Variants in NEDD4L observed in about 807,000 individuals in gnomAD.
The protein encoded by NEDD4L is NEDD4 like E3 ubiquitin protein ligase.
In NEDD4L, 54 loss-of-function variants were observed where a neutral mutation model predicts 148.9. That is an observed-to-expected ratio of 0.36 (90% CI 0.29 to 0.45). The LOEUF (loss-of-function observed/expected upper bound fraction) is 0.45. Among genes scored for constraint, NEDD4L ranks in the 20% least tolerant of loss-of-function variants. NEDD4L has a pLI of 1.00. For synonymous variants in NEDD4L, 433 were observed against 440.7 expected (o/e 0.98, Z 0.22); for missense variants, 856 against 1,233.8 (o/e 0.69, Z 4.59).
chr18:58,245,551 T>A, intron 3 of NEDD4L, 43 bp downstream of exon 3: 1 of 1,062,494 alleles, frequency 9.4e-7, no homozygotes, highest in Non-Finnish European at 1.4e-6. Context: ...AGTCATAATT[T>A]AATCCAATTA....
At chr18:58,260,477 T>C (rs2049217322) in intron 5 of NEDD4L, among the ~76,000 whole-genome samples, 1 of 151,570 alleles carries the variant, frequency 6.6e-6, no homozygotes, top group Non-Finnish European at 1.5e-5. Context: ...TGAAGAATGC[T>C]TTGTTTATTT....
chr18:58,183,338 T>C (rs1248210057), intron 2 of NEDD4L, among the ~76,000 whole-genome samples: 1 of 152,214 alleles, frequency 6.6e-6, no homozygotes. Context: ...CTTGGTGCTG[T>C]CCCTGTTGAA....
intron 2 of NEDD4L, among the ~76,000 whole-genome samples, chr18:58,198,180 A>G (rs1304849701): frequency 1.3e-5 from 2 of 152,242 alleles, no homozygotes; most frequent in Non-Finnish European, 2.9e-5. Context: ...AAGATGAAAG[A>G]AAAGCTTTCA....
chr18:58,231,237 CAAAA>C (rs67220469), intron 2 of NEDD4L, among the ~76,000 whole-genome samples: 1,166 of 90,142 alleles, frequency 0.013, 19 homozygotes, highest in East Asian at 0.052. Flanking sequence ...GACCCTATCT[CAAAA>C]AAAAAAAAAA....
At chr18:58,218,099 T>C (rs1324868458) in intron 2 of NEDD4L, among the ~76,000 whole-genome samples, 1 of 152,218 alleles carries the variant, frequency 6.6e-6, no homozygotes, top group Non-Finnish European at 1.5e-5. Flanking sequence ...CTTAATAAAA[T>C]CCTGTTTTGA....
chr18:58,370,742 C>A (rs1172262019), intron 23 of NEDD4L, among the ~76,000 whole-genome samples: 1 of 152,200 alleles, frequency 6.6e-6, no homozygotes, highest in African/African-American at 2.4e-5. Flanking sequence ...CTTACTAAAT[C>A]CAAGAGACAG....
intron 16 of NEDD4L, among the ~76,000 whole-genome samples, chr18:58,347,406 G>A (rs1601549546): frequency 6.6e-6 from 1 of 152,054 alleles, no homozygotes; most frequent in African/African-American, 2.4e-5. Context: ...AAGCCCAAGG[G>A]TCCCCCGCTG....
chr18:58,331,348 T>C (rs959636556), intron 11 of NEDD4L, among the ~76,000 whole-genome samples: 2 of 152,220 alleles, frequency 1.3e-5, no homozygotes, highest in African/African-American at 4.8e-5. Flanking sequence ...GCAGGATTTA[T>C]CATTCTCATT....
rs376299060 is a variant in NEDD4L at position 58,401,378 on chromosome 18, A to C, written c.*5109A>C. On this transcript the variant is annotated 3_prime_UTR_variant, in exon 31 of 31. Coordinates refer to ENST00000400345, the MANE Select transcript of NEDD4L (RefSeq NM_001144967.3). ...TACACACAGGAAGTTTTCTTGAAGA[A>C]CAATCCTTTCGCTTTTCTTTTTTCT... 49 of 152,232 alleles carry C rather than the reference A, an allele frequency of 3.2e-4. No homozygotes were observed. The highest frequency in any genetic ancestry group is 1.2e-3 in the African/African-American group (48 of 41,454). 9.4% of individuals were successfully genotyped at this position (152,232 alleles called of 1,614,324 possible). A position where few individuals can be genotyped will look rare whatever the true frequency, so the allele number is the denominator to read the frequency against.
At chr18:58,349,148 C>T (rs554299227) in intron 16 of NEDD4L, among the ~76,000 whole-genome samples, 2 of 152,238 alleles carry the variant, frequency 1.3e-5, no homozygotes, top group South Asian at 4.1e-4. Context: ...TCACCGGGAG[C>T]TCGGGACCCA....
intron 4 of NEDD4L, among the ~76,000 whole-genome samples, chr18:58,251,194 T>C (rs1229896475): frequency 1.3e-5 from 2 of 152,134 alleles, no homozygotes; most frequent in Non-Finnish European, 2.9e-5. Flanking sequence ...AAGGAGATCA[T>C]GGGTTGTTGA....
intron 1 of NEDD4L, among the ~76,000 whole-genome samples, chr18:58,058,506 G>A (rs1376982791): frequency 1.3e-5 from 2 of 152,136 alleles, no homozygotes; most frequent in South Asian, 2.1e-4. Context: ...TTCTTGTAGC[G>A]CATCTTCTCT....
chr18:58,188,485 TG>T (rs2039722245), intron 2 of NEDD4L, among the ~76,000 whole-genome samples: 1 of 152,130 alleles, frequency 6.6e-6, no homozygotes, highest in Non-Finnish European at 1.5e-5. Flanking sequence ...GGAGGCTGCT[TG>T]TTCCCTCAAG....
In NEDD4L at chr18:58,330,928, T is replaced by G. The variant is rs1028615678; in HGVS notation, c.990+14T>G. ...AGCTCTTTGATTGTAAGTAGTGGCCTTGTTTGAAAGAAAAGCTGAGCAATG... is the reference window on the plus strand; with the variant it reads ...AGCTCTTTGATTGTAAGTAGTGGCCGTGTTTGAAAGAAAAGCTGAGCAATG... On this transcript the variant is annotated intron_variant, in intron 11 of 30. Coordinates refer to ENST00000400345, the MANE Select transcript of NEDD4L (RefSeq NM_001144967.3). 1.2e-6 allele frequency: 2 copies of G among 1,610,028 alleles called. No individual in the cohort carries two copies. The highest frequency in any genetic ancestry group is 1.7e-5 in the Admixed American group (1 of 59,836).
chr18:58,165,641 T>C, intron 1 of NEDD4L, 147 bp from the exon 2 acceptor site: 2 of 1,522,292 alleles, frequency 1.3e-6, no homozygotes, highest in East Asian at 4.9e-5. Context: ...TGAACTTCAG[T>C]GTAAGGAAGA....
At chr18:58,216,942 A>G (rs1045161862) in intron 2 of NEDD4L, among the ~76,000 whole-genome samples, 1 of 152,218 alleles carries the variant, frequency 6.6e-6, no homozygotes, top group Admixed American at 6.5e-5. Context: ...TAAATTAGGA[A>G]CTGTCTGTAG....
At chr18:58,273,761 G>A (rs1052309856) in intron 5 of NEDD4L, among the ~76,000 whole-genome samples, 36 of 152,230 alleles carry the variant, frequency 2.4e-4, no homozygotes, top group African/African-American at 8.4e-4. Flanking sequence ...AACCTACAAG[G>A]TGTTTTGCTT....
intron 3 of NEDD4L, 64 bp downstream of exon 3, chr18:58,245,572 T>C (rs2047152714): frequency 1.2e-6 from 1 of 858,498 alleles, no homozygotes; most frequent in African/African-American, 1.7e-5. Flanking sequence ...TGCACAGTCA[T>C]GTGCTGCTTA....
chr18:58,228,916 C>T (rs1402076839), intron 2 of NEDD4L, among the ~76,000 whole-genome samples: 2 of 152,202 alleles, frequency 1.3e-5, no homozygotes, highest in Non-Finnish European at 2.9e-5. Flanking sequence ...TAGAGTCTTG[C>T]TACTCCCACC....
Sources: gnomAD v4.1 joint callset for allele counts (sites outside exome capture counted in the v4.1 genomes callset) on GRCh38, gnomAD v4.1.1 for gene constraint, MANE v1.5 for transcripts, NCBI Gene and HGNC (gene_info 2026-07-23, HGNC 2026-07-21) for gene names.